The following DENND4A variants were observed in gnomAD, a reference collection of about 807,000 sequenced individuals.
DENND4A encodes the protein DENN domain containing 4A.
A neutral mutation model predicts 199.3 loss-of-function variants in DENND4A; 70 were observed. The ratio of observed to expected loss-of-function variants is 0.35; its 90% confidence interval spans 0.29 to 0.43. The LOEUF is 0.43. Ranked by LOEUF, DENND4A falls within the 20% of genes least tolerant of loss-of-function variation. The probability of loss-of-function intolerance (pLI) is 1.00; values close to 1 mark genes in which losing one functional copy is unlikely to be tolerated. For synonymous variants in DENND4A, 686 were observed against 766.9 expected (o/e 0.89, Z 1.74); for missense variants, 1,723 against 2,255.8 (o/e 0.76, Z 4.78).
chr15:65,741,978 A>G (rs1225791109), intron 4 of DENND4A, among the ~76,000 whole-genome samples, 194 bp from the exon 5 acceptor site: 1 of 152,204 alleles, frequency 6.6e-6, no homozygotes, highest in Non-Finnish European at 1.5e-5. Flanking sequence ...GAAGTAAATT[A>G]CTACTTTTTT....
chr15:65,744,892 G>A (rs1013338275), intron 4 of DENND4A, among the ~76,000 whole-genome samples: 6 of 152,144 alleles, frequency 3.9e-5, no homozygotes, highest in East Asian at 1.9e-4. Flanking sequence ...GTGACAAGTA[G>A]TTACTTAAAG....
chr15:65,775,755 G>A (rs530686764), intron 1 of DENND4A, among the ~76,000 whole-genome samples: 1 of 149,926 alleles, frequency 6.7e-6, no homozygotes, highest in African/African-American at 2.4e-5. Context: ...AGTGATTTGA[G>A]TATTCTACAA....
At chr15:65,735,505 C>A (rs1397381234) in intron 7 of DENND4A, among the ~76,000 whole-genome samples, 1 of 152,230 alleles carries the variant, frequency 6.6e-6, no homozygotes, top group African/African-American at 2.4e-5. Flanking sequence ...TGGTGACTTA[C>A]TATGAATCAA....
intron 1 of DENND4A, among the ~76,000 whole-genome samples, chr15:65,782,353 G>A (rs1435701906): frequency 1.3e-5 from 2 of 152,124 alleles, no homozygotes; most frequent in South Asian, 2.1e-4. Flanking sequence ...AATCTCCCAA[G>A]AGACGGCTTC....
intron 4 of DENND4A, 30 bp from the exon 5 acceptor site, chr15:65,741,814 A>C (rs2076269534): frequency 1.3e-6 from 2 of 1,558,322 alleles, no homozygotes; most frequent in African/African-American, 1.4e-5. Context: ...AATATCATTT[A>C]ATTTTTAAAA....
In DENND4A at chr15:65,734,424, G is replaced by A. The variant is rs906738511; in HGVS notation, c.1041-1606C>T. 3.9e-5 allele frequency among the ~76,000 whole-genome samples: 6 copies of A among 152,094 alleles called. 1 individual carries two copies. Among genetic ancestry groups the A allele is most frequent in the Non-Finnish European group, 7.4e-5 (5 of 68,012 alleles). On this transcript the variant is annotated intron_variant, in intron 7 of 32. Transcript: ENST00000443035. ...TGTGACCCTGACACATCCCCCTCTC[G>A]GAGAAACACCCAAGAATGATCAATA...
intron 2 of DENND4A, among the ~76,000 whole-genome samples, chr15:65,758,776 G>C (rs558322919): frequency 5.3e-5 from 8 of 152,164 alleles, no homozygotes; most frequent in South Asian, 4.2e-4. Context: ...AAATAAATTA[G>C]GTATACACAC....
chr15:65,700,001 T>G (rs2074805548), intron 20 of DENND4A, among the ~76,000 whole-genome samples: 1 of 151,912 alleles, frequency 6.6e-6, no homozygotes. Flanking sequence ...TTTTTATATA[T>G]TTAAAATTTT....
intron 32 of DENND4A, among the ~76,000 whole-genome samples, chr15:65,664,118 C>T (rs979335967): frequency 1.3e-5 from 2 of 152,010 alleles, no homozygotes; most frequent in African/African-American, 4.8e-5. Flanking sequence ...TGCCTAATTC[C>T]AGAACATTTT....
intron 1 of DENND4A, among the ~76,000 whole-genome samples, chr15:65,769,428 A>C (rs74021826): frequency 6.6e-6 from 1 of 152,226 alleles, no homozygotes; most frequent in African/African-American, 2.4e-5. Context: ...TATGAAAACT[A>C]TAAAATGTAG....
rs1280799628 is a variant in DENND4A at position 65,660,075 on chromosome 15, G to C, written c.*1776C>G. On this transcript the variant is annotated 3_prime_UTR_variant, in exon 33 of 33. Transcript: ENST00000443035. ...TCCCCCCTCTGAAATGTTTCTCTCAGTTGACAACTTTCAAATGATTTAAAG... is the reference window on the plus strand; with the variant it reads ...TCCCCCCTCTGAAATGTTTCTCTCACTTGACAACTTTCAAATGATTTAAAG... 24 of 486,574 alleles carry C rather than the reference G, an allele frequency of 4.9e-5. 1 individual carries two copies. Among genetic ancestry groups the C allele is most frequent in the Non-Finnish European group, 8.0e-5 (22 of 274,884 alleles). The allele number at this position is 486,574 out of a possible 1,614,324, so 30.1% of individuals were successfully genotyped here.
intron 12 of DENND4A, among the ~76,000 whole-genome samples, chr15:65,722,239 T>C (rs1182998192): frequency 6.6e-6 from 1 of 152,122 alleles, no homozygotes; most frequent in Non-Finnish European, 1.5e-5. Flanking sequence ...TCCCAGCACT[T>C]TGAGAAGTCG....
At position 65,729,621 on chromosome 15, in the gene DENND4A, T is replaced by C. The variant is rs1253026148; in HGVS notation, c.1224A>G (p.Leu408=). 1.9e-6 allele frequency: 3 copies of C among 1,578,046 alleles called. No individual in the cohort carries two copies. The highest frequency in any genetic ancestry group is 1.2e-5 in the South Asian group (1 of 86,156). The stretch of plus-strand genomic sequence containing the variant: ...TATGTTCTGTTACTGCAAACACCAG[T>C]AGTGTCACAGCATTTTCAGGGCCTA... ...QNLGPENAVT[L]LVFAVTEHKI... The change falls in exon 10 of 33, where the codon CTA becomes CTG. Residue 408 remains leucine, a synonymous_variant. Coordinates refer to ENST00000443035, the MANE Select transcript of DENND4A (RefSeq NM_001320835.1).
rs1230025240 is a variant in DENND4A, at chr15:65,732,966, A to G, written c.1041-148T>C. ...ATACTATGAAAACAAGTGAACAACC[A>G]AAAATCATTCATCCCATTAAAGTTG... is the stretch of plus-strand genomic sequence containing the variant. On this transcript the variant is annotated intron_variant, in intron 7 of 32. Transcript: ENST00000443035. The G allele has an allele frequency of 1.3e-5, 7 of 519,400 alleles. No individual in the cohort carries two copies. In the East Asian group the frequency reaches 2.0e-4, roughly 15 times the overall value. The allele number at this position is 519,400 out of a possible 1,614,324, so 32.2% of individuals were successfully genotyped here.
At chr15:65,721,593 T>TAAAAAAA (rs71447857) in intron 12 of DENND4A, among the ~76,000 whole-genome samples, 1 of 131,588 alleles carries the variant, frequency 7.6e-6, no homozygotes, top group Non-Finnish European at 1.6e-5. Flanking sequence ...TGACTCCACT[T>TAAAAAAA]AAAAAAAAAA....
chr15:65,769,673 T>C (rs1157403965), intron 1 of DENND4A, among the ~76,000 whole-genome samples: 1 of 152,170 alleles, frequency 6.6e-6, no homozygotes, highest in Non-Finnish European at 1.5e-5. Context: ...GTTTATTTTA[T>C]GGTTTGGTAT....
intron 11 of DENND4A, among the ~76,000 whole-genome samples, chr15:65,723,417 T>C (rs1241962072): frequency 6.6e-6 from 1 of 152,208 alleles, no homozygotes; most frequent in Non-Finnish European, 1.5e-5. Context: ...AAATACTTAG[T>C]TTCTTAGTTT....
chr15:65,692,395 C>A (rs2077003196), intron 22 of DENND4A, among the ~76,000 whole-genome samples: 1 of 152,154 alleles, frequency 6.6e-6, no homozygotes, highest in African/African-American at 2.4e-5. Context: ...TCTCTGATCA[C>A]TTTAATTGTT....
chr15:65,747,904 G>C (rs2076445733), intron 4 of DENND4A, among the ~76,000 whole-genome samples: 1 of 151,602 alleles, frequency 6.6e-6, no homozygotes, highest in Non-Finnish European at 1.5e-5. Flanking sequence ...GTCAGGCGTG[G>C]TGGCGCGCGC....
Sources: allele counts gnomAD v4.1 joint callset (sites outside exome capture counted in the v4.1 genomes callset), GRCh38; gene constraint gnomAD v4.1.1; transcripts MANE v1.5; gene names NCBI Gene and HGNC (gene_info 2026-07-23, HGNC 2026-07-21).